GPR143: variants seen among roughly 807,000 people sequenced by gnomAD.
GPR143 encodes G-protein coupled receptor 143.
In GPR143, 8 loss-of-function variants were observed where a neutral mutation model predicts 27.6. The observed-to-expected ratio is 0.29, with a 90% CI of 0.17 to 0.52. The LOEUF is 0.52. Among genes scored for constraint, GPR143 ranks in the 20% least tolerant of loss-of-function variants. GPR143 has a pLI of 0.96. For synonymous variants in GPR143, 156 were observed against 153.2 expected, an observed-to-expected ratio of 1.02 and a Z score of -0.13; for missense variants, 303 against 343.1, an observed-to-expected ratio of 0.88 and a Z score of 0.92.
intron 1 of GPR143, 85 bp downstream of exon 1, chrX:9,765,483 C>A: frequency 1.1e-6 from 1 of 900,888 alleles, no homozygotes; most frequent in African/African-American, 2.1e-5. Context: ...CTTATCCGGG[C>A]ACCAGTCGGG....
upstream of GPR143, among the ~76,000 whole-genome samples, chrX:9,769,168 T>TGGCTCACAAAAACC (rs2083545102): frequency 8.9e-6 from 1 of 111,827 alleles, no homozygotes; most frequent in Non-Finnish European, 1.9e-5. Context: ...TGAAGGTACA[T>TGGCTCACAAAAACC]CTGTTTTTGC....
At chrX:9,725,980 CAA>C (rs35066814) in intron 8 of GPR143, 140 bp from the exon 9 acceptor site, 26,869 of 327,402 alleles carry the variant, frequency 0.082, no homozygotes, top group Non-Finnish European at 0.086. Context: ...ATCTCATCTG[CAA>C]AAAAAAAAAA....
At chrX:9,728,594 G>C (rs2083339398) in intron 8 of GPR143, among the ~76,000 whole-genome samples, 1 of 88,216 alleles carries the variant, frequency 1.1e-5, no homozygotes, top group East Asian at 3.4e-4. Context: ...GTCAGGAGGA[G>C]TGCTTGAGTG....
chrX:9,770,323 A>AGAGAGAGAGAGAGAGAGAGAGAGAGAGAG (rs2083549800), upstream of GPR143, among the ~76,000 whole-genome samples: 5 of 88,995 alleles, frequency 5.6e-5, no homozygotes, highest in African/African-American at 2.4e-4. Flanking sequence ...AAGAAAGAAA[A>AGAGAGAGAGAGAGAGAGAGAGAGAGAGAG]AGAGAGAGAG....
intron 1 of GPR143, among the ~76,000 whole-genome samples, chrX:9,774,622 G>T (rs777022230): frequency 1.4e-5 from 1 of 70,618 alleles, no homozygotes; most frequent in East Asian, 4.0e-4. Context: ...TTAATGGACG[G>T]AAGGAGGACT....
chrX:9,767,974 C>T, upstream of GPR143, among the ~76,000 whole-genome samples: 1 of 111,416 alleles, frequency 9.0e-6, no homozygotes, highest in East Asian at 2.8e-4. Context: ...CTGTTTCATG[C>T]CCCAGAAAAC....
intron 5 of GPR143, among the ~76,000 whole-genome samples, chrX:9,744,978 G>A (rs971036997): frequency 8.9e-6 from 1 of 112,193 alleles, no homozygotes; most frequent in African/African-American, 3.2e-5. Flanking sequence ...TGCGCCAGGC[G>A]TGGTGGCTCA....
At chrX:9,741,051 T>G in intron 7 of GPR143, 1 of 303,909 alleles carries the variant, frequency 3.3e-6, no homozygotes, top group East Asian at 4.7e-5. Flanking sequence ...ATTGTACTTC[T>G]GACTGCTTCT....
At chrX:9,744,662 G>A (rs111602964) in intron 5 of GPR143, among the ~76,000 whole-genome samples, 3,562 of 111,226 alleles carry the variant, frequency 0.032, 163 homozygotes, top group African/African-American at 0.11. Context: ...CCGAGATCAC[G>A]TCAATTCACT....
intron 3 of GPR143, among the ~76,000 whole-genome samples, chrX:9,753,185 C>G (rs940562574): frequency 3.6e-5 from 4 of 110,223 alleles, no homozygotes; most frequent in Non-Finnish European, 7.6e-5. Flanking sequence ...TGGTGAAACC[C>G]CATCTCTACT....
At chrX:9,776,708 AATTTT>A (rs1201607154) in intron 1 of GPR143, among the ~76,000 whole-genome samples, 5 of 104,543 alleles carry the variant, frequency 4.8e-5, no homozygotes, top group African/African-American at 7.1e-5. Flanking sequence ...GACATTACTT[AATTTT>A]ATTTTATTTT....
chrX:9,768,413 ATTG>A (rs754645320), upstream of GPR143, among the ~76,000 whole-genome samples: 73 of 111,512 alleles, frequency 6.5e-4, no homozygotes, highest in Non-Finnish European at 1.1e-3. Flanking sequence ...TTTGCAGCTC[ATTG>A]TTGTTAAATA....
At chrX:9,749,432 C>T (rs1387181107) in intron 3 of GPR143, among the ~76,000 whole-genome samples, 1 of 110,860 alleles carries the variant, frequency 9.0e-6, no homozygotes, top group African/African-American at 3.3e-5. Context: ...TATAAATGGT[C>T]ACTCCCCTTT....
intron 8 of GPR143, 82 bp from the exon 9 acceptor site, chrX:9,725,922 G>A: frequency 7.0e-6 from 7 of 1,001,486 alleles, no homozygotes; most frequent in East Asian, 5.8e-5. Context: ...TCAGTATTCA[G>A]TGCATGGAGT....
chrX:9,745,517 A>G (rs2083424680), intron 5 of GPR143, among the ~76,000 whole-genome samples: 1 of 111,937 alleles, frequency 8.9e-6, no homozygotes, highest in South Asian at 3.7e-4. Context: ...GCAGGTCTCC[A>G]GCCCCAGCCT....
At chrX:9,726,077 G>C in intron 8 of GPR143, 1 of 566,456 alleles carries the variant, frequency 1.8e-6, no homozygotes, top group Non-Finnish European at 2.1e-6. Flanking sequence ...GATGACACAA[G>C]CCCTACAGAA....
Position 9,765,054 on chromosome X carries a change from C to T in GPR143, c.250+514G>A, listed in dbSNP as rs181533657. Reference sequence around the variant, plus strand: ...AAAAAAAAAAAATTACCTAGTTGTCCCATCCGGTCCCTAGGGAACAGCCTC... The same window carrying T: ...AAAAAAAAAAAATTACCTAGTTGTCTCATCCGGTCCCTAGGGAACAGCCTC... On this transcript the variant is annotated intron_variant, in intron 1 of 8. Coordinates refer to ENST00000467482, the MANE Select transcript of GPR143 (RefSeq NM_000273.3). Among the ~76,000 whole-genome samples the T allele has an allele frequency of 3.6e-3, 394 of 110,505 alleles. 8 individuals are homozygous for T. In the Admixed American group the frequency reaches 0.036, roughly 10 times the overall value.
upstream of GPR143, among the ~76,000 whole-genome samples, chrX:9,769,062 C>T (rs1300304795): frequency 2.7e-5 from 3 of 111,937 alleles, no homozygotes; most frequent in African/African-American, 6.5e-5. Context: ...GAGGCAGAAA[C>T]ATCTGGAAGT....
At chrX:9,767,532 G>A (rs777102973), upstream of GPR143, among the ~76,000 whole-genome samples, 4 of 111,226 alleles carry the variant, frequency 3.6e-5, no homozygotes, top group Non-Finnish European at 7.6e-5. Flanking sequence ...GAAGGCAGGC[G>A]GGAGGCTCCA....
Sources: allele counts gnomAD v4.1 joint callset (sites outside exome capture counted in the v4.1 genomes callset), GRCh38; gene constraint gnomAD v4.1.1; transcripts MANE v1.5; gene names NCBI Gene and HGNC (gene_info 2026-07-23, HGNC 2026-07-21).